Variants in TENM3 observed in about 807,000 individuals in gnomAD.
TENM3 encodes the protein teneurin transmembrane protein 3, also known as teneurin-3.
In TENM3, 63 loss-of-function variants were observed where a neutral mutation model predicts 255.1. The ratio of observed to expected loss-of-function variants is 0.25; its 90% CI spans 0.20 to 0.30. The LOEUF is 0.30. TENM3 is among the 10% of genes least tolerant of loss of function. The pLI is 1.00. For missense variants in TENM3, 2,929 were observed against 3,461.1 expected (o/e 0.85, Z 3.86); for synonymous variants, 1,306 against 1,322.3 (o/e 0.99, Z 0.27).
intron 25 of TENM3, among the ~76,000 whole-genome samples, chr4:182,791,916 A>G (rs1766131598): frequency 6.6e-6 from 1 of 152,110 alleles, no homozygotes; most frequent in Non-Finnish European, 1.5e-5. Flanking sequence ...CATTCCCCAT[A>G]TGCTCTTTTC....
At chr4:181,641,738 T>C in the TENM3 span, among the ~76,000 whole-genome samples, 1 of 124,040 alleles carries the variant, frequency 8.1e-6, no homozygotes, top group South Asian at 2.4e-4. Context: ...AAATTATATA[T>C]ATATAAAATA....
At chr4:181,759,304 G>C in the TENM3 span, among the ~76,000 whole-genome samples, 11 of 152,212 alleles carry the variant, frequency 7.2e-5, no homozygotes, top group South Asian at 2.3e-3. Flanking sequence ...GGTTCCAATA[G>C]AGGGACAAAG....
the TENM3 span, among the ~76,000 whole-genome samples, chr4:181,529,070 C>T: frequency 2.5e-4 from 38 of 152,258 alleles, 1 homozygote; most frequent in African/African-American, 9.1e-4. Flanking sequence ...GATTATTGAA[C>T]CCATTTCACA....
chr4:181,970,340 G>C, the TENM3 span, among the ~76,000 whole-genome samples: 1 of 152,118 alleles, frequency 6.6e-6, no homozygotes, highest in Admixed American at 6.5e-5. Context: ...TTATTAAAAG[G>C]CTACAGAGCA....
chr4:181,634,787 C>T, the TENM3 span, among the ~76,000 whole-genome samples: 856 of 152,210 alleles, frequency 5.6e-3, 6 homozygotes, highest in Middle Eastern at 0.014. Context: ...ACAATTCAGT[C>T]GTGGCTGTTT....
the TENM3 span, among the ~76,000 whole-genome samples, chr4:181,722,396 T>A: frequency 6.3e-4 from 96 of 152,282 alleles, no homozygotes; most frequent in Non-Finnish European, 7.3e-5. Flanking sequence ...GTGGAGTATA[T>A]GGATAGAAAC....
chr4:182,305,302 T>C (rs1486164949), intron 1 of TENM3, among the ~76,000 whole-genome samples: 1 of 152,354 alleles, frequency 6.6e-6, no homozygotes, highest in East Asian at 1.9e-4. Flanking sequence ...TGTTTCTTTA[T>C]CAATACTGTA....
chr4:182,577,301 G>C (rs1205759066), intron 3 of TENM3, among the ~76,000 whole-genome samples: 1 of 152,148 alleles, frequency 6.6e-6, no homozygotes, highest in African/African-American at 2.4e-5. Context: ...TAAAAAAGCA[G>C]GAAAGTATCT....
intron 2 of TENM3, among the ~76,000 whole-genome samples, chr4:182,342,821 C>T (rs1038899912): frequency 1.8e-4 from 27 of 152,158 alleles, no homozygotes; most frequent in Non-Finnish European, 3.8e-4. Flanking sequence ...ATCTGTTTCT[C>T]ATACAAGAGA....
chr4:182,469,374 A>G (rs1732902699), intron 3 of TENM3, among the ~76,000 whole-genome samples: 1 of 152,160 alleles, frequency 6.6e-6, no homozygotes, highest in African/African-American at 2.4e-5. Context: ...AACTCTAGAT[A>G]GAGAAGGACT....
At chr4:182,669,453 G>A (rs1231890777) in intron 6 of TENM3, among the ~76,000 whole-genome samples, 1 of 151,936 alleles carries the variant, frequency 6.6e-6, no homozygotes, top group Non-Finnish European at 1.5e-5. Flanking sequence ...TGTATTCTTA[G>A]TAGAGACGGG....
intron 1 of TENM3, among the ~76,000 whole-genome samples, chr4:182,287,537 G>A (rs556765217): frequency 8.5e-5 from 13 of 152,266 alleles, no homozygotes; most frequent in African/African-American, 3.1e-4. Flanking sequence ...ACCAGCCTAG[G>A]ACAAGTAGTT....
At chr4:182,443,610 C>T (rs1479109978) in intron 3 of TENM3, among the ~76,000 whole-genome samples, 2 of 152,132 alleles carry the variant, frequency 1.3e-5, no homozygotes, top group Non-Finnish European at 2.9e-5. Flanking sequence ...ATGTCCCTAC[C>T]TCACCCCCTT....
At chr4:181,616,048 T>C in the TENM3 span, among the ~76,000 whole-genome samples, 23 of 151,488 alleles carry the variant, frequency 1.5e-4, no homozygotes, top group Non-Finnish European at 2.5e-4. Context: ...AGAACATGTT[T>C]CCCCCCCACA....
chr4:182,539,399 T>A (rs1740648712), intron 3 of TENM3, among the ~76,000 whole-genome samples: 2 of 152,010 alleles, frequency 1.3e-5, no homozygotes, highest in Admixed American at 1.3e-4. Flanking sequence ...CCAGAGTGGA[T>A]GAAGGAGTGA....
the TENM3 span, among the ~76,000 whole-genome samples, chr4:181,903,137 G>C: frequency 6.6e-6 from 1 of 152,074 alleles, no homozygotes; most frequent in South Asian, 2.1e-4. Context: ...CACCTAGTAC[G>C]AGGGATCCTA....
chr4:182,576,101 T>C (rs1744887578), intron 3 of TENM3, among the ~76,000 whole-genome samples: 1 of 152,222 alleles, frequency 6.6e-6, no homozygotes, highest in Admixed American at 6.5e-5. Context: ...GATTTTGATA[T>C]TTATTCGGTA....
At chr4:182,065,324 CAAGCCCGGCA>C in the TENM3 span, among the ~76,000 whole-genome samples, 12 of 152,276 alleles carry the variant, frequency 7.9e-5, no homozygotes, top group South Asian at 2.5e-3. Flanking sequence ...CGTGAGCCAC[CAAGCCCGGCA>C]AAACCGGATA....
intron 20 of TENM3, among the ~76,000 whole-genome samples, chr4:182,752,410 T>C (rs1762439090): frequency 6.6e-6 from 1 of 152,158 alleles, no homozygotes; most frequent in African/African-American, 2.4e-5. Flanking sequence ...CCCAGGCTTC[T>C]TTAAAACCCA....
Sources: gnomAD v4.1 joint callset for allele counts (sites outside exome capture counted in the v4.1 genomes callset) on GRCh38, gnomAD v4.1.1 for gene constraint, MANE v1.5 for transcripts, NCBI Gene and HGNC (gene_info 2026-07-23, HGNC 2026-07-21) for gene names.